Variants in ARMH3 observed in about 807,000 individuals in gnomAD.
ARMH3 encodes the protein armadillo like helical domain containing 3.
Under a neutral mutation model 99.1 loss-of-function variants are expected in ARMH3, and 60 were observed. The observed-to-expected ratio is 0.61, with a 90% confidence interval of 0.49 to 0.75. The LOEUF is 0.75. ARMH3 is among the 30% of genes least tolerant of loss of function. The pLI is 0.00. For missense variants in ARMH3, 679 were observed against 843.1 expected, an observed-to-expected ratio of 0.81 and a Z score of 2.41; for synonymous variants, 285 against 292.8, an observed-to-expected ratio of 0.97 and a Z score of 0.27.
chr10:101,879,336 C>G (rs2135401785), intron 24 of ARMH3, among the ~76,000 whole-genome samples: 1 of 152,100 alleles, frequency 6.6e-6, no homozygotes, highest in African/African-American at 2.4e-5. Context: ...TACATCTACC[C>G]CAAATAATTT....
intron 23 of ARMH3, among the ~76,000 whole-genome samples, chr10:101,892,074 T>C (rs936371835): frequency 1.4e-4 from 21 of 151,912 alleles, no homozygotes; most frequent in African/African-American, 5.1e-4. Flanking sequence ...ATTGTGCCAC[T>C]GCACTCCAGC....
Position 101,991,837 on chromosome 10 carries a change from T to C in ARMH3, c.1345+132A>G. 6 of 953,526 alleles carry C rather than the reference T, an allele frequency of 6.3e-6. No homozygotes were observed. In the South Asian group the frequency reaches 7.6e-5, roughly 12 times the overall value. The allele number at this position is 953,526 out of a possible 1,614,324, so 59.1% of individuals were successfully genotyped here. On this transcript the variant is annotated intron_variant, in intron 18 of 25. Transcript: ENST00000370033. ...CAAACACAACAATAAACATGATTCT[T>C]AGGCCAGGGAAAAAACACAACTAAT...
At chr10:101,963,678 C>T (rs367950401) in intron 20 of ARMH3, among the ~76,000 whole-genome samples, 10 of 152,064 alleles carry the variant, frequency 6.6e-5, no homozygotes, top group Admixed American at 2.0e-4. Context: ...CGGCTCTCCG[C>T]GACCTCTGTC....
chr10:102,006,756 C>G, intron 13 of ARMH3, 123 bp from the exon 14 acceptor site: 1 of 757,698 alleles, frequency 1.3e-6, no homozygotes, highest in Non-Finnish European at 2.1e-6. Flanking sequence ...GAGACAGCAT[C>G]TTGCTATGTT....
chr10:102,022,032 T>C (rs771651305), intron 8 of ARMH3, among the ~76,000 whole-genome samples: 2 of 152,144 alleles, frequency 1.3e-5, no homozygotes, highest in East Asian at 1.9e-4. Context: ...TGTGTTATAA[T>C]TGCCTACAGT....
At chr10:101,955,343 T>C (rs889459052) in intron 22 of ARMH3, among the ~76,000 whole-genome samples, 1 of 152,200 alleles carries the variant, frequency 6.6e-6, no homozygotes, top group Non-Finnish European at 1.5e-5. Context: ...CATTCTAGAA[T>C]TGTCATATAA....
chr10:101,990,657 ATTTCTTGTCT>A, intron 18 of ARMH3, 46 bp from the exon 19 acceptor site: 1 of 1,481,128 alleles, frequency 6.8e-7, no homozygotes, highest in Non-Finnish European at 9.4e-7. Context: ...AATGGAATTC[ATTTCTTGTCT>A]TTGAGTTGGA....
intron 19 of ARMH3, among the ~76,000 whole-genome samples, chr10:101,975,760 T>C (rs1033832965): frequency 1.3e-5 from 2 of 151,368 alleles, no homozygotes; most frequent in Non-Finnish European, 2.9e-5. Flanking sequence ...GCTACTCGGT[T>C]GAGGCAGAAG....
intron 10 of ARMH3, 79 bp from the exon 11 acceptor site, chr10:102,011,862 G>T: frequency 1.7e-6 from 2 of 1,146,176 alleles, no homozygotes; most frequent in Non-Finnish European, 2.5e-6. Flanking sequence ...GGTAATCAGG[G>T]CAGAGCACTC....
chr10:101,878,405 CAGA>C (rs1423484289), intron 24 of ARMH3, among the ~76,000 whole-genome samples: 1 of 151,716 alleles, frequency 6.6e-6, no homozygotes, highest in African/African-American at 2.4e-5. Flanking sequence ...GAGGCCAAAG[CAGA>C]AGAACTGCTT....
intron 23 of ARMH3, among the ~76,000 whole-genome samples, chr10:101,919,731 A>G (rs1843230005): frequency 6.6e-6 from 1 of 152,192 alleles, no homozygotes; most frequent in Admixed American, 6.5e-5. Flanking sequence ...TCTGCTCACT[A>G]TTTAAGAAAT....
At position 101,914,568 on chromosome 10, in the gene ARMH3, T is replaced by C. The variant is rs947606506; in HGVS notation, c.1782-25078A>G. On this transcript the variant is annotated intron_variant, in intron 23 of 25. Coordinates refer to ENST00000370033, the MANE Select transcript of ARMH3 (RefSeq NM_024541.3). Reference sequence around the variant, plus strand: ...ATTTTATTATCACCTGTTTACTCAGTCAAAAACTTAAAATGGGCTGGGTGC... The same window carrying C: ...ATTTTATTATCACCTGTTTACTCAGCCAAAAACTTAAAATGGGCTGGGTGC... Among the ~76,000 whole-genome samples the C allele has an allele frequency of 2.5e-4, 38 of 151,392 alleles. 1 individual carries two copies. The highest frequency in any genetic ancestry group is 1.0e-3 in the South Asian group (5 of 4,794).
chr10:101,861,877 C>CAAAA (rs36095929), intron 24 of ARMH3, among the ~76,000 whole-genome samples: 3 of 94,006 alleles, frequency 3.2e-5, no homozygotes, highest in East Asian at 3.0e-4. Context: ...CTAAAAATAC[C>CAAAA]AAAAAAAAAA....
chr10:101,966,453 T>G (rs1436171380), intron 20 of ARMH3, among the ~76,000 whole-genome samples: 2 of 151,962 alleles, frequency 1.3e-5, no homozygotes, highest in Non-Finnish European at 2.9e-5. Flanking sequence ...ATTTTTGTAT[T>G]TTTAGTAGAG....
At chr10:101,877,726 C>A (rs1169954948) in intron 24 of ARMH3, among the ~76,000 whole-genome samples, 1 of 152,116 alleles carries the variant, frequency 6.6e-6, no homozygotes, top group Non-Finnish European at 1.5e-5. Flanking sequence ...CTGTTCCCTT[C>A]TATGCACTGC....
intron 5 of ARMH3, among the ~76,000 whole-genome samples, chr10:102,028,111 T>C (rs759108394): frequency 6.4e-4 from 97 of 151,834 alleles, no homozygotes; most frequent in Non-Finnish European, 1.0e-3. Context: ...GTGCAGAAAC[T>C]TGAACCCTCA....
Position 101,939,931 on chromosome 10 carries a change from C to T in ARMH3, c.1713G>A (p.Arg571=). 1 of 1,613,582 alleles carries T rather than the reference C, an allele frequency of 6.2e-7. No individual in the cohort carries two copies. The highest frequency in any genetic ancestry group is 8.5e-7 in the Non-Finnish European group (1 of 1,179,932). ...TCCACTGGCCTGCATTGGTAGAAAG[C>T]CTCAGGACTGCAAAGAAGGAAAGAA... ...SFDNLYSMVL[R]LSTNAGQWKE... is the part of the protein sequence containing the mutation. The change falls in exon 23 of 26, where the codon AGG becomes AGA. Residue 571 remains arginine, a synonymous_variant. Coordinates refer to ENST00000370033, the MANE Select transcript of ARMH3 (RefSeq NM_024541.3).
chr10:101,959,169 G>C (rs371107398), intron 20 of ARMH3, among the ~76,000 whole-genome samples: 4 of 152,278 alleles, frequency 2.6e-5, no homozygotes, highest in African/African-American at 4.8e-5. Context: ...GGACAAAAAG[G>C]CTCCAAGGGA....
intron 23 of ARMH3, among the ~76,000 whole-genome samples, chr10:101,928,794 G>C (rs1358553798): frequency 6.6e-6 from 1 of 152,136 alleles, no homozygotes; most frequent in Non-Finnish European, 1.5e-5. Flanking sequence ...GCAATGGTGC[G>C]ATCTCGGCTC....
Sources: allele counts gnomAD v4.1 joint callset (sites outside exome capture counted in the v4.1 genomes callset), GRCh38; gene constraint gnomAD v4.1.1; transcripts MANE v1.5; gene names NCBI Gene and HGNC (gene_info 2026-07-23, HGNC 2026-07-21).